The following YY1 variants were observed in gnomAD, a reference collection of about 807,000 sequenced individuals.
YY1 encodes the protein transcriptional repressor protein YY1.
YY1 carries 2 observed loss-of-function variants against 35.6 expected under a neutral mutation model. The observed-to-expected ratio is 0.06, with a 90% confidence interval of 0.02 to 0.18. The LOEUF is 0.18. Among genes scored for constraint, YY1 ranks in the 10% least tolerant of loss-of-function variants. The pLI is 1.00. For synonymous variants in YY1, 268 were observed against 238.9 expected, an observed-to-expected ratio of 1.12 and a Z score of -1.12; for missense variants, 322 against 573.4, an observed-to-expected ratio of 0.56 and a Z score of 4.48.
At chr14:100,260,469 AT>A (rs34225673) in intron 1 of YY1, among the ~76,000 whole-genome samples, 2,195 of 139,098 alleles carry the variant, frequency 0.016, 10 homozygotes, top group African/African-American at 0.024. Flanking sequence ...ACATATATGT[AT>A]TTTTTTTTTT....
chr14:100,240,550 C>T (rs1328554293), intron 1 of YY1, among the ~76,000 whole-genome samples: 1 of 151,642 alleles, frequency 6.6e-6, no homozygotes, highest in Non-Finnish European at 1.5e-5. Context: ...GGCCTCCTTG[C>T]TCCCCGCCCA....
intron 1 of YY1, among the ~76,000 whole-genome samples, chr14:100,241,978 AGGGGGGGG>A (rs5810986): frequency 1.1e-5 from 1 of 87,850 alleles, no homozygotes; most frequent in African/African-American, 4.2e-5. Context: ...CTGTCTCAAA[AGGGGGGGG>A]GGGGCATTTT....
chr14:100,271,108 A>G (rs10147112), intron 2 of YY1, among the ~76,000 whole-genome samples: 152,097 of 152,280 alleles, frequency 1, 75,957 homozygotes, highest in Middle Eastern at 1. Flanking sequence ...TTAGCCGGGC[A>G]TAGTGGCGGA....
At chr14:100,273,937 C>T (rs776221129) in intron 2 of YY1, among the ~76,000 whole-genome samples, 1 of 151,982 alleles carries the variant, frequency 6.6e-6, no homozygotes, top group African/African-American at 2.4e-5. Flanking sequence ...TGGGGCTCTG[C>T]CAGACGGTTA....
chr14:100,269,271 G>A (rs1891199121), intron 2 of YY1, among the ~76,000 whole-genome samples: 1 of 152,062 alleles, frequency 6.6e-6, no homozygotes, highest in South Asian at 2.1e-4. Flanking sequence ...CATTTCCCAG[G>A]TGCTTAACAT....
At chr14:100,262,947 G>T (rs759003541) in intron 2 of YY1, among the ~76,000 whole-genome samples, 63 of 152,048 alleles carry the variant, frequency 4.1e-4, no homozygotes, top group Non-Finnish European at 7.5e-4. Context: ...CTTGCTTGTT[G>T]CCCAGGCTGG....
At chr14:100,242,117 T>G (rs1007794785) in intron 1 of YY1, among the ~76,000 whole-genome samples, 1 of 152,192 alleles carries the variant, frequency 6.6e-6, no homozygotes, top group Non-Finnish European at 1.5e-5. Context: ...AAAGTAAATT[T>G]ACTTTTTCTC....
At chr14:100,251,002 G>A (rs1890916581) in intron 1 of YY1, among the ~76,000 whole-genome samples, 1 of 152,080 alleles carries the variant, frequency 6.6e-6, no homozygotes, top group Non-Finnish European at 1.5e-5. Context: ...CAAATGAAAA[G>A]AGAGAGAGAG....
chr14:100,274,969 G>A (rs2139602739), intron 3 of YY1, among the ~76,000 whole-genome samples: 1 of 152,282 alleles, frequency 6.6e-6, no homozygotes. Flanking sequence ...GGGAGCCGTT[G>A]CTTGATTACT....
chr14:100,264,981 G>A (rs140084046), intron 2 of YY1, among the ~76,000 whole-genome samples: 11 of 152,090 alleles, frequency 7.2e-5, no homozygotes, highest in African/African-American at 1.9e-4. Context: ...AGCTTCTTGG[G>A]AGGCTGAGTG....
At chr14:100,239,984 T>G in intron 1 of YY1, 61 bp downstream of exon 1, 1 of 1,464,818 alleles carries the variant, frequency 6.8e-7, no homozygotes, top group Non-Finnish European at 9.0e-7. Context: ...AAGCCATGTT[T>G]TATGTGTGTG....
chr14:100,256,145 A>C (rs976771818), intron 1 of YY1, among the ~76,000 whole-genome samples: 4 of 151,300 alleles, frequency 2.6e-5, no homozygotes, highest in African/African-American at 4.9e-5. Context: ...CTGTCACAAA[A>C]AAAAAAAAAC....
chr14:100,249,223 C>T (rs1451011122), intron 1 of YY1, among the ~76,000 whole-genome samples: 2 of 144,850 alleles, frequency 1.4e-5, no homozygotes, highest in Admixed American at 7.4e-5. Flanking sequence ...TGGGTTCAAG[C>T]GATTCTCCTG....
At chr14:100,258,649 G>A (rs74085015) in intron 1 of YY1, among the ~76,000 whole-genome samples, 4,620 of 152,206 alleles carry the variant, frequency 0.03, 259 homozygotes, top group African/African-American at 0.11. Flanking sequence ...CACCACGCCC[G>A]GCCCTCATGA....
chr14:100,241,281 A>G (rs1361060392), intron 1 of YY1, among the ~76,000 whole-genome samples: 2 of 152,242 alleles, frequency 1.3e-5, no homozygotes, highest in African/African-American at 4.8e-5. Context: ...AGCTTCATAA[A>G]TTCTCAGAAC....
rs71113254 is a variant in YY1 at position 100,260,771 on chromosome 14, CTTTTTTTTTTTTTTTTTTTTTTTTTT to C, written c.680-1519_680-1494del. On this transcript the variant is annotated intron_variant, in intron 1 of 4. Transcript: ENST00000262238. ...CAGGTGTGAGCCACCGTGCCTGGTC[CTTTTTTTTTTTTTTTTTTTTTTTTTT>C]TTTTTTTTTTTTTGGAGGCAGAGTC... Among the ~76,000 whole-genome samples the C allele has an allele frequency of 1.0e-2, 425 of 42,574 alleles. 18 individuals carry two copies. The highest frequency in any genetic ancestry group is 0.045 in the Admixed American group (129 of 2,838). The allele number at this position is 42,574 out of a possible 152,430, so 27.9% of individuals were successfully genotyped here. A position where few individuals can be genotyped will look rare whatever the true frequency, so the allele number is the denominator to read the frequency against.
At chr14:100,249,776 G>GTTTTTTTTTT (rs1890897396) in intron 1 of YY1, among the ~76,000 whole-genome samples, 1 of 135,988 alleles carries the variant, frequency 7.4e-6, no homozygotes, top group Admixed American at 7.3e-5. Flanking sequence ...TTTTGTTTTT[G>GTTTTTTTTTT]TTTTTGTTTT....
intron 1 of YY1, among the ~76,000 whole-genome samples, chr14:100,251,785 C>T (rs74085004): frequency 0.03 from 4,556 of 152,162 alleles, 255 homozygotes; most frequent in African/African-American, 0.1. Context: ...CCCTTTGCTT[C>T]TCTTTCTTCT....
In YY1 at chr14:100,279,961, C is replaced by A. The variant is rs1172011343; in HGVS notation, c.*2361C>A. 1 of 152,354 alleles carries A rather than the reference C, an allele frequency of 6.6e-6. No homozygotes were observed. Among genetic ancestry groups the A allele is most frequent in the Non-Finnish European group, 1.5e-5 (1 of 68,122 alleles). 9.4% of individuals were successfully genotyped at this position (152,354 alleles called of 1,614,324 possible). ...TTGATCCCTTGGGGGTGCCTTTGGT[C>A]ATCTCTTCTGTCCTTTCCTGTCTCT... On this transcript the variant is annotated 3_prime_UTR_variant, in exon 5 of 5. Transcript: ENST00000262238.
Sources: gnomAD v4.1 joint callset for allele counts (sites outside exome capture counted in the v4.1 genomes callset) on GRCh38, gnomAD v4.1.1 for gene constraint, MANE v1.5 for transcripts, NCBI Gene and HGNC (gene_info 2026-07-23, HGNC 2026-07-21) for gene names.